Variants in RHBDF1 observed in about 807,000 individuals in gnomAD.
RHBDF1 encodes inactive rhomboid protein 1.
RHBDF1 carries 80 observed loss-of-function variants against 98.6 expected under a neutral mutation model. The observed-to-expected ratio is 0.81, with a 90% CI of 0.68 to 0.98. The LOEUF is 0.98. Ranked by LOEUF, RHBDF1 falls within the 50% of genes least tolerant of loss-of-function variation. The probability of loss-of-function intolerance (pLI) is 0.00; values close to 1 mark genes in which losing one functional copy is unlikely to be tolerated. For synonymous variants in RHBDF1, 512 were observed against 486.8 expected, an observed-to-expected ratio of 1.05 and a Z score of -0.68; for missense variants, 1,116 against 1,198.3, an observed-to-expected ratio of 0.93 and a Z score of 1.01.
At chr16:59,885 C>G in intron 13 of RHBDF1, 59 bp from the exon 14 acceptor site, 1 of 1,611,610 alleles carries the variant, frequency 6.2e-7, no homozygotes, top group South Asian at 1.1e-5. Context: ...GGCCCCACAC[C>G]ACGTTTGGGG....
intron 1 of RHBDF1, among the ~76,000 whole-genome samples, chr16:70,305 C>G (rs1337400737): frequency 1.3e-5 from 2 of 152,188 alleles, no homozygotes; most frequent in Non-Finnish European, 2.9e-5. Context: ...AACACCCTCC[C>G]CAGGCTGCAG....
intron 1 of RHBDF1, among the ~76,000 whole-genome samples, chr16:68,919 C>G (rs1170577321): frequency 6.6e-6 from 1 of 152,158 alleles, no homozygotes; most frequent in Non-Finnish European, 1.5e-5. Flanking sequence ...TGGGGACAGC[C>G]CAGGCTGATG....
intron 11 of RHBDF1, 166 bp downstream of exon 11, chr16:60,954 G>A (rs1897588144): frequency 1.4e-6 from 1 of 705,600 alleles, no homozygotes; most frequent in Non-Finnish European, 2.3e-6. Flanking sequence ...AGCTGGAGAT[G>A]GGGGAGGGTG....
intron 3 of RHBDF1, chr16:64,117 G>A (rs931926386): frequency 1.1e-4 from 74 of 647,522 alleles, no homozygotes; most frequent in Non-Finnish European, 1.8e-4. Context: ...AGCTCAACCC[G>A]AGAGAGCTTG....
intron 14 of RHBDF1, 76 bp from the exon 15 acceptor site, chr16:59,570 C>T (rs748052503): frequency 7.5e-5 from 113 of 1,511,666 alleles, no homozygotes; most frequent in Non-Finnish European, 1.0e-4. Flanking sequence ...GAGTTTCAGC[C>T]GCACCTACCC....
At chr16:75,405 C>A (rs1898067733), upstream of RHBDF1, among the ~76,000 whole-genome samples, 1 of 152,224 alleles carries the variant, frequency 6.6e-6, no homozygotes, top group Non-Finnish European at 1.5e-5. Context: ...CAAGTAATCA[C>A]CCAAGGGGTC....
At chr16:74,023 T>C (rs1898041091), upstream of RHBDF1, 3 of 775,526 alleles carry the variant, frequency 3.9e-6, no homozygotes, top group Non-Finnish European at 4.7e-6. Context: ...ACACAAGCAA[T>C]ATCAACACAA....
chr16:61,221 G>A lies in RHBDF1; in HGVS notation c.1456C>T (p.His486Tyr), dbSNP rs1393292784. ...TCGCGCGCCGAGCGAATGAAGCTGT[G>A]CACCTGCGGGTCCTGGCGCATGCAG... Reference protein sequence around the residue: ...SPCMRQDPQVHSFIRSARERE... With the variant: ...SPCMRQDPQVYSFIRSARERE... Residue 486 changes from histidine to tyrosine, a missense_variant, in exon 11 of 18, where the codon CAC becomes TAC. Coordinates refer to ENST00000262316, the MANE Select transcript of RHBDF1 (RefSeq NM_022450.5). 7 of 1,546,236 alleles carry A rather than the reference G, an allele frequency of 4.5e-6. 1 individual carries two copies. The South Asian group carries it at 8.3e-5, about 18-fold the overall frequency.
intron 1 of RHBDF1, among the ~76,000 whole-genome samples, chr16:67,534 G>A (rs987455111): frequency 2.0e-5 from 3 of 152,168 alleles, no homozygotes; most frequent in African/African-American, 2.4e-5. Context: ...CCTGCTCTCC[G>A]CTGCTCCTCA....
In RHBDF1 at chr16:58,431, G is replaced by A. The variant is rs1287578329; in HGVS notation, c.2477C>T (p.Pro826Leu). ...AGLVVLFYVY[P>L]VRCEWCEFLT... ...GAACTCACACCACTCACAGCGGACA[G>A]GATAGACGTAGAAGAGGACCACCAG... The change falls in exon 18 of 18, where the codon CCT becomes CTT. Residue 826 changes from proline to leucine, a missense_variant. Coordinates refer to ENST00000262316, the MANE Select transcript of RHBDF1 (RefSeq NM_022450.5). 5.0e-6 allele frequency: 8 copies of A among 1,614,082 alleles called. No individual in the cohort carries two copies. The highest frequency in any genetic ancestry group is 5.1e-6 in the Non-Finnish European group (6 of 1,180,040).
chr16:60,655 C>T (rs1247516390), intron 11 of RHBDF1, 116 bp from the exon 12 acceptor site: 14 of 693,218 alleles, frequency 2.0e-5, no homozygotes, highest in Admixed American at 1.5e-4. Context: ...CTACAAGTCA[C>T]CCCCACTCTT....
At chr16:61,094 CG>C in intron 11 of RHBDF1, 25 bp downstream of exon 11, 1 of 1,514,270 alleles carries the variant, frequency 6.6e-7, no homozygotes. Context: ...CAGACGAAGG[CG>C]GGAGTCCCGG....
chr16:72,726 C>T (rs1211628659), upstream of RHBDF1: 1 of 981,902 alleles, frequency 1.0e-6, no homozygotes, highest in African/African-American at 1.7e-5. Flanking sequence ...CCCGCCTGCC[C>T]GGCCCAAGTC....
At chr16:72,249 G>C (rs551479669) in intron 1 of RHBDF1, among the ~76,000 whole-genome samples, 1 of 152,178 alleles carries the variant, frequency 6.6e-6, no homozygotes, top group Non-Finnish European at 1.5e-5. Context: ...ATCCGGCCAC[G>C]GGCTATTTTT....
At chr16:59,581 A>G (rs1897527838) in intron 14 of RHBDF1, 87 bp from the exon 15 acceptor site, 1 of 1,486,216 alleles carries the variant, frequency 6.7e-7, no homozygotes, top group South Asian at 1.2e-5. Context: ...GCACCTACCC[A>G]CCTTTGTTGG....
In RHBDF1 at chr16:61,198, G is replaced by C; in HGVS notation, c.1479C>G (p.Arg493=). Residue 493 remains arginine (R), a synonymous_variant, in exon 11 of 18, where the codon CGC becomes CGG. Coordinates refer to ENST00000262316, the MANE Select transcript of RHBDF1 (RefSeq NM_022450.5). ...AGCAGGCGGAGTGCTTCTCGCGCTC[G>C]CGCGCCGAGCGAATGAAGCTGTGCA... is the stretch of plus-strand genomic sequence containing the variant. ...PQVHSFIRSA[R]EREKHSACCV... is the part of the protein sequence containing the mutation. 6.5e-7 allele frequency: 1 copy of C among 1,543,808 alleles called. No homozygotes were observed. Among genetic ancestry groups the C allele is most frequent in the Non-Finnish European group, 8.7e-7 (1 of 1,145,540 alleles).
chr16:64,603 G>T (rs918562393), intron 3 of RHBDF1, 96 bp downstream of exon 3: 4 of 1,541,698 alleles, frequency 2.6e-6, no homozygotes, highest in Admixed American at 1.9e-5. Context: ...GCTGAAACAA[G>T]AGGGCCCTTG....
chr16:58,952 C>G (rs1459039735), intron 17 of RHBDF1, 22 bp downstream of exon 17: 9 of 1,611,348 alleles, frequency 5.6e-6, no homozygotes, highest in Non-Finnish European at 6.8e-6. Flanking sequence ...GGGAGGATCC[C>G]CACCCTGAGG....
intron 1 of RHBDF1, among the ~76,000 whole-genome samples, chr16:69,280 A>G (rs216610): frequency 0.088 from 13,344 of 152,122 alleles, 1,245 homozygotes; most frequent in African/African-American, 0.22. Context: ...CCACCTCTGT[A>G]CTCAGGCCTG....
Sources: gnomAD v4.1 joint callset for allele counts (sites outside exome capture counted in the v4.1 genomes callset) on GRCh38, gnomAD v4.1.1 for gene constraint, MANE v1.5 for transcripts, NCBI Gene and HGNC (gene_info 2026-07-23, HGNC 2026-07-21) for gene names.